Variants in MAP4K3 observed in about 807,000 individuals in gnomAD.
The protein encoded by MAP4K3 is mitogen-activated protein kinase kinase kinase kinase 3.
Under a neutral mutation model 143.5 loss-of-function variants are expected in MAP4K3, and 94 were observed. The ratio of observed to expected loss-of-function variants is 0.65; its 90% CI spans 0.55 to 0.78. The LOEUF is 0.78. Among genes scored for constraint, MAP4K3 ranks in the 30% least tolerant of loss-of-function variants. MAP4K3 has a pLI of 0.00. For missense variants in MAP4K3, 1,077 were observed against 1,068.1 expected, an observed-to-expected ratio of 1.01 and a Z score of -0.12; for synonymous variants, 416 against 347.2, an observed-to-expected ratio of 1.20 and a Z score of -2.20.
At chr2:39,341,585 G>A (rs1665141079) in intron 4 of MAP4K3, among the ~76,000 whole-genome samples, 2 of 151,930 alleles carry the variant, frequency 1.3e-5, no homozygotes, top group South Asian at 4.2e-4. Flanking sequence ...GAACCCGGGA[G>A]GTGGAGGTTG....
chr2:39,337,120 T>C lies in MAP4K3; in HGVS notation c.367-153A>G, dbSNP rs559882609. Among the ~76,000 whole-genome samples the C allele has an allele frequency of 2.9e-4, 44 of 152,034 alleles. No homozygotes were observed. The South Asian group carries it at 4.4e-3, about 15-fold the overall frequency. On this transcript the variant is annotated intron_variant, in intron 5 of 33. Transcript: ENST00000263881. ...ATTAACATATTTTAATGAGATATCC[T>C]AAAAAAAGATCAAGAAAATGACTAA...
intron 19 of MAP4K3, among the ~76,000 whole-genome samples, chr2:39,288,555 C>T (rs111748145): frequency 3.3e-5 from 5 of 152,150 alleles, no homozygotes; most frequent in Non-Finnish European, 7.4e-5. Flanking sequence ...TCACAAGTCT[C>T]CCCACTTAGA....
chr2:39,326,774 CT>C (rs1293276699), intron 8 of MAP4K3, among the ~76,000 whole-genome samples: 2 of 152,086 alleles, frequency 1.3e-5, no homozygotes, highest in Non-Finnish European at 2.9e-5. Flanking sequence ...TTCCCCTATG[CT>C]TTTCTCATGA....
intron 1 of MAP4K3, among the ~76,000 whole-genome samples, chr2:39,399,652 C>T (rs1454778670): frequency 2.0e-5 from 3 of 152,150 alleles, no homozygotes; most frequent in Non-Finnish European, 2.9e-5. Context: ...GTGAAGACTG[C>T]CTAGCTACCT....
chr2:39,308,945 A>G (rs1682815133), intron 14 of MAP4K3, among the ~76,000 whole-genome samples: 1 of 152,050 alleles, frequency 6.6e-6, no homozygotes, highest in African/African-American at 2.4e-5. Context: ...GCCCCTCAAA[A>G]AGAGAAAAAA....
At chr2:39,267,393 C>T (rs1380617239) in intron 26 of MAP4K3, 146 bp from the exon 27 acceptor site, 22 of 644,714 alleles carry the variant, frequency 3.4e-5, no homozygotes, top group East Asian at 2.0e-4. Context: ...ATAAAAAGGC[C>T]GGGTGCCATG....
intron 26 of MAP4K3, 94 bp from the exon 27 acceptor site, chr2:39,267,341 C>A: frequency 4.4e-6 from 4 of 911,750 alleles, no homozygotes; most frequent in South Asian, 2.7e-5. Flanking sequence ...AGGATGAGTT[C>A]AAAACTGGTG....
At chr2:39,422,783 A>C (rs997835840) in intron 1 of MAP4K3, among the ~76,000 whole-genome samples, 2 of 152,210 alleles carry the variant, frequency 1.3e-5, no homozygotes, top group Admixed American at 1.3e-4. Flanking sequence ...TTACCTCAAA[A>C]TGGATCACAG....
chr2:39,397,909 A>C (rs1341181603), intron 1 of MAP4K3, among the ~76,000 whole-genome samples: 1 of 152,228 alleles, frequency 6.6e-6, no homozygotes, highest in Non-Finnish European at 1.5e-5. Flanking sequence ...TGAAAACAGA[A>C]ATGCAAACAA....
chr2:39,332,760 C>T (rs1485855247), intron 7 of MAP4K3, among the ~76,000 whole-genome samples: 4 of 151,962 alleles, frequency 2.6e-5, no homozygotes, highest in South Asian at 2.1e-4. Flanking sequence ...TTAGAAGTCA[C>T]GGAGGAAATT....
intron 1 of MAP4K3, among the ~76,000 whole-genome samples, chr2:39,434,051 C>A (rs1182881384): frequency 6.6e-6 from 1 of 152,102 alleles, no homozygotes; most frequent in East Asian, 1.9e-4. Context: ...ACCTTAAGTA[C>A]AATAAATATG....
At chr2:39,345,652 G>T (rs2148538569) in intron 3 of MAP4K3, among the ~76,000 whole-genome samples, 2 of 152,224 alleles carry the variant, frequency 1.3e-5, no homozygotes, top group East Asian at 3.9e-4. Flanking sequence ...AGATGCAGTG[G>T]CTCACGCCTG....
rs987745617 is a variant in MAP4K3, at chr2:39,315,217, C to G, written c.997+93G>C. On this transcript the variant is annotated intron_variant, in intron 13 of 33. Coordinates refer to ENST00000263881, the MANE Select transcript of MAP4K3 (RefSeq NM_003618.4). ...CTTTAACAGTGTTTAGTAAGAAAAACTATTCAGAAGGAAATAAAACAAAAA... is the reference window on the plus strand; with the variant it reads ...CTTTAACAGTGTTTAGTAAGAAAAAGTATTCAGAAGGAAATAAAACAAAAA... 7.6e-6 allele frequency: 6 copies of G among 787,930 alleles called. No homozygotes were observed. The African/African-American group carries it at 9.1e-5, about 12-fold the overall frequency. The allele number at this position is 787,930 out of a possible 1,614,324, so 48.8% of individuals were successfully genotyped here.
intron 28 of MAP4K3, chr2:39,261,167 G>A (rs1481100826): frequency 6.4e-6 from 1 of 156,976 alleles, no homozygotes; most frequent in Non-Finnish European, 1.4e-5. Flanking sequence ...TTAATCAACT[G>A]AGCAAACATG....
In MAP4K3 at chr2:39,404,180, C is replaced by T. The variant is rs954803558; in HGVS notation, c.97-26057G>A. ...TTGTGGTAGCTACAGTGAAAGACTC[C>T]TGCTTGAGAAAAGCAGAGAGAAGAG... On this transcript the variant is annotated intron_variant, in intron 1 of 33. Transcript: ENST00000263881. Among the ~76,000 whole-genome samples, 8 of 152,124 alleles carry T rather than the reference C, an allele frequency of 5.3e-5. 1 individual carries two copies. Among genetic ancestry groups the T allele is most frequent in the Admixed American group, 4.6e-4 (7 of 15,266 alleles).
intron 4 of MAP4K3, among the ~76,000 whole-genome samples, chr2:39,341,007 T>G (rs932526298): frequency 1.3e-5 from 2 of 152,020 alleles, no homozygotes; most frequent in Admixed American, 1.3e-4. Flanking sequence ...GAGAAAATAT[T>G]TGAAGACATA....
intron 5 of MAP4K3, 118 bp from the exon 6 acceptor site, chr2:39,337,085 A>G: frequency 2.0e-6 from 1 of 501,860 alleles, no homozygotes. Flanking sequence ...CAGGAGATCT[A>G]GTACTAATCA....
chr2:39,299,624 T>C, intron 16 of MAP4K3, 119 bp downstream of exon 16: 3 of 458,622 alleles, frequency 6.5e-6, no homozygotes, highest in Non-Finnish European at 1.1e-5. Context: ...GTGAAATGCA[T>C]ATTGTAAAAT....
intron 1 of MAP4K3, among the ~76,000 whole-genome samples, chr2:39,396,537 T>C (rs556188000): frequency 1.7e-4 from 25 of 150,958 alleles, no homozygotes; most frequent in African/African-American, 5.4e-4. Context: ...TGGAGTGCAA[T>C]GGCTTGGCTC....
Sources: gnomAD v4.1 joint callset for allele counts (sites outside exome capture counted in the v4.1 genomes callset) on GRCh38, gnomAD v4.1.1 for gene constraint, MANE v1.5 for transcripts, NCBI Gene and HGNC (gene_info 2026-07-23, HGNC 2026-07-21) for gene names.